Variants in CLNK observed in about 807,000 individuals in gnomAD.
The protein encoded by CLNK is cytokine dependent hematopoietic cell linker, also known as cytokine-dependent hematopoietic cell linker.
CLNK carries 74 observed loss-of-function variants against 68.6 expected under a neutral mutation model. That is an observed-to-expected ratio of 1.08 (90% CI 0.89 to 1.31). The LOEUF is 1.31. Ranked by LOEUF, CLNK falls within the 50% of genes most tolerant of loss-of-function variation. The pLI is 0.00. For synonymous variants in CLNK, 198 were observed against 172.2 expected, an observed-to-expected ratio of 1.15 and a Z score of -1.17; for missense variants, 553 against 515.3, an observed-to-expected ratio of 1.07 and a Z score of -0.71.
At chr4:10,629,956 C>T (rs1383361687) in intron 2 of CLNK, among the ~76,000 whole-genome samples, 1 of 152,166 alleles carries the variant, frequency 6.6e-6, no homozygotes, top group African/African-American at 2.4e-5. Flanking sequence ...TCAGTCCTCA[C>T]CCAGGGCTTC....
At chr4:10,707,813 A>T in the CLNK span, among the ~76,000 whole-genome samples, 2 of 152,278 alleles carry the variant, frequency 1.3e-5, no homozygotes, top group South Asian at 4.1e-4. Flanking sequence ...CATTCAGAGG[A>T]TAGGGGTGTA....
rs145062717 is a variant in CLNK at position 10,627,379 on chromosome 4, C to G, written c.12-29330G>C. 3.6e-3 allele frequency among the ~76,000 whole-genome samples: 542 copies of G among 152,296 alleles called. 2 individuals carry two copies. The highest frequency in any genetic ancestry group is 9.8e-3 in the South Asian group (47 of 4,820). On this transcript the variant is annotated intron_variant, in intron 2 of 18. Transcript: ENST00000226951. Reference sequence around the variant, plus strand: ...CTCCCAAACTTGCCCTTTTCTCCCTCTGTTCTGGCATTTGGAGGAAACAAT... The same window carrying G: ...CTCCCAAACTTGCCCTTTTCTCCCTGTGTTCTGGCATTTGGAGGAAACAAT...
intron 1 of CLNK, among the ~76,000 whole-genome samples, chr4:10,676,531 T>C (rs1012154571): frequency 6.6e-6 from 1 of 152,040 alleles, no homozygotes; most frequent in Non-Finnish European, 1.5e-5. Flanking sequence ...AATGTGACTG[T>C]GCATTCATTT....
Position 10,584,913 on chromosome 4 carries a change from G to A in CLNK, c.112+14C>T, listed in dbSNP as rs1470118945. On this transcript the variant is annotated intron_variant, in intron 4 of 18. Transcript: ENST00000226951. ...ACATTCCCACCACTTAGGTGACAGA[G>A]AGCCCCGACTCACCTGTGGCACTAT... The A allele has an allele frequency of 6.2e-7, 1 of 1,613,554 alleles. No individual in the cohort carries two copies. The highest frequency in any genetic ancestry group is 1.1e-5 in the South Asian group (1 of 90,938).
chr4:10,572,300 G>A (rs1362917584), intron 4 of CLNK, among the ~76,000 whole-genome samples: 5 of 152,208 alleles, frequency 3.3e-5, no homozygotes, highest in Admixed American at 6.5e-5. Flanking sequence ...ATAAGACCCC[G>A]TATTGAACAA....
At chr4:10,491,461 G>C (rs1406155023) in intron 18 of CLNK, among the ~76,000 whole-genome samples, 6 of 152,220 alleles carry the variant, frequency 3.9e-5, no homozygotes, top group Non-Finnish European at 8.8e-5. Context: ...AGAAAGAACA[G>C]GGACAACCAC....
intron 8 of CLNK, among the ~76,000 whole-genome samples, chr4:10,554,197 G>T (rs1457540586): frequency 1.3e-5 from 2 of 152,156 alleles, no homozygotes; most frequent in East Asian, 3.9e-4. Flanking sequence ...AGCAAACTGG[G>T]ATGGTTGATT....
At chr4:10,573,560 G>A (rs1227212579) in intron 4 of CLNK, among the ~76,000 whole-genome samples, 2 of 152,136 alleles carry the variant, frequency 1.3e-5, no homozygotes, top group African/African-American at 4.8e-5. Context: ...AAATTAATAA[G>A]GTCACCCATT....
chr4:10,531,104 A>T (rs981176243), intron 12 of CLNK, among the ~76,000 whole-genome samples: 4 of 152,254 alleles, frequency 2.6e-5, no homozygotes, highest in Non-Finnish European at 4.4e-5. Context: ...ATTCACGTCT[A>T]CTATATAGAT....
intron 1 of CLNK, among the ~76,000 whole-genome samples, chr4:10,680,511 G>C (rs1007608201): frequency 3.3e-5 from 5 of 151,948 alleles, no homozygotes; most frequent in Non-Finnish European, 7.4e-5. Flanking sequence ...AAAACTTAAA[G>C]TATAATAATA....
intron 2 of CLNK, among the ~76,000 whole-genome samples, chr4:10,622,771 T>C (rs2108862333): frequency 6.6e-6 from 1 of 152,280 alleles, no homozygotes; most frequent in South Asian, 2.1e-4. Flanking sequence ...GACTGGGTGG[T>C]TTGAATAATA....
intron 1 of CLNK, among the ~76,000 whole-genome samples, chr4:10,671,920 C>T (rs1724659221): frequency 6.6e-6 from 1 of 152,194 alleles, no homozygotes; most frequent in Admixed American, 6.5e-5. Flanking sequence ...ACTAAAGAAG[C>T]TTAGTCTAAG....
chr4:10,538,294 T>C (rs554196559), intron 11 of CLNK, among the ~76,000 whole-genome samples: 1 of 152,248 alleles, frequency 6.6e-6, no homozygotes, highest in South Asian at 2.1e-4. Context: ...CCCACCCAGC[T>C]AGTTTCTGTA....
At chr4:10,519,134 C>T (rs1487489227) in intron 15 of CLNK, among the ~76,000 whole-genome samples, 2 of 152,258 alleles carry the variant, frequency 1.3e-5, no homozygotes, top group Admixed American at 1.3e-4. Flanking sequence ...CCCCATCCAT[C>T]CCAGGCTTCT....
chr4:10,699,494 C>CTCTATATATATATA, the CLNK span, among the ~76,000 whole-genome samples: 16 of 56,970 alleles, frequency 2.8e-4, no homozygotes, highest in East Asian at 1.0e-3. Flanking sequence ...CTCTCTCTCT[C>CTCTATATATATATA]TATATATATA....
At chr4:10,584,864 T>C in intron 4 of CLNK, 63 bp downstream of exon 4, 2 of 1,531,766 alleles carry the variant, frequency 1.3e-6, no homozygotes, top group Non-Finnish European at 1.8e-6. Flanking sequence ...AGAATGGAAA[T>C]AACAGCCCAA....
intron 3 of CLNK, among the ~76,000 whole-genome samples, chr4:10,597,502 C>G (rs1486587051): frequency 6.6e-6 from 1 of 152,176 alleles, no homozygotes; most frequent in African/African-American, 2.4e-5. Context: ...TTTCAGTAGT[C>G]TATGCAAGTT....
intron 3 of CLNK, among the ~76,000 whole-genome samples, chr4:10,586,336 C>CT (rs5856064): frequency 1.1e-4 from 10 of 89,246 alleles, no homozygotes; most frequent in African/African-American, 3.3e-4. Flanking sequence ...CTTTTTTTTT[C>CT]TTTTTTTTTT....
At chr4:10,719,039 C>T in the CLNK span, among the ~76,000 whole-genome samples, 1 of 151,726 alleles carries the variant, frequency 6.6e-6, no homozygotes, top group Admixed American at 6.6e-5. Context: ...TAAACCTCTT[C>T]AAAAAGATAC....
Sources: gnomAD v4.1 joint callset for allele counts (sites outside exome capture counted in the v4.1 genomes callset) on GRCh38, gnomAD v4.1.1 for gene constraint, MANE v1.5 for transcripts, NCBI Gene and HGNC (gene_info 2026-07-23, HGNC 2026-07-21) for gene names.